TMEM178B: variants seen among roughly 807,000 people sequenced by gnomAD.
TMEM178B encodes the protein transmembrane protein 178B.
A neutral mutation model predicts 31.0 loss-of-function variants in TMEM178B; 5 were observed. That is an observed-to-expected ratio of 0.16 (90% CI 0.08 to 0.34). The LOEUF is 0.34. Among genes scored for constraint, TMEM178B ranks in the 10% least tolerant of loss-of-function variants. The pLI is 1.00. For synonymous variants in TMEM178B, 164 were observed against 164.0 expected (o/e 1.00, Z 0.00); for missense variants, 275 against 400.3 (o/e 0.69, Z 2.67).
chr7:141,407,771 A>G (rs1051158514), intron 2 of TMEM178B, among the ~76,000 whole-genome samples: 1 of 152,216 alleles, frequency 6.6e-6, no homozygotes, highest in African/African-American at 2.4e-5. Flanking sequence ...TCTGAGAAGC[A>G]TGTCTTTTTA....
At chr7:141,184,818 T>C (rs998495155) in intron 1 of TMEM178B, among the ~76,000 whole-genome samples, 1 of 152,202 alleles carries the variant, frequency 6.6e-6, no homozygotes, top group African/African-American at 2.4e-5. Context: ...GATGAATATT[T>C]TCCTGGCCGA....
intron 1 of TMEM178B, among the ~76,000 whole-genome samples, chr7:141,170,037 G>A (rs1796323230): frequency 2.0e-5 from 3 of 151,850 alleles, no homozygotes; most frequent in African/African-American, 7.3e-5. Flanking sequence ...ACATTCTTTG[G>A]CTTTCCATTA....
chr7:141,435,015 T>G (rs1291850503), intron 2 of TMEM178B, among the ~76,000 whole-genome samples: 1 of 152,212 alleles, frequency 6.6e-6, no homozygotes, highest in Non-Finnish European at 1.5e-5. Flanking sequence ...TGAAAGACAC[T>G]TCTCATGATT....
chr7:141,325,207 A>G (rs1234599260), intron 2 of TMEM178B, among the ~76,000 whole-genome samples: 1 of 152,202 alleles, frequency 6.6e-6, no homozygotes, highest in Non-Finnish European at 1.5e-5. Flanking sequence ...CTGTGCTGTA[A>G]TATAAAGATG....
chr7:141,338,360 A>G (rs1479611199), intron 2 of TMEM178B, among the ~76,000 whole-genome samples: 1 of 152,130 alleles, frequency 6.6e-6, no homozygotes, highest in Non-Finnish European at 1.5e-5. Flanking sequence ...TTTATTCTCA[A>G]CTTTGTTTTC....
At chr7:141,317,188 A>G (rs925852877) in intron 2 of TMEM178B, among the ~76,000 whole-genome samples, 1 of 152,212 alleles carries the variant, frequency 6.6e-6, no homozygotes, top group Non-Finnish European at 1.5e-5. Context: ...GCCATGGTCA[A>G]GGCAGGAAGT....
chr7:141,202,900 G>C (rs899806109), intron 1 of TMEM178B, among the ~76,000 whole-genome samples: 2 of 152,222 alleles, frequency 1.3e-5, no homozygotes, highest in Non-Finnish European at 2.9e-5. Flanking sequence ...GCTGTGGGGG[G>C]TGTGGGAACC....
intron 1 of TMEM178B, among the ~76,000 whole-genome samples, chr7:141,173,462 C>T (rs1043998108): frequency 6.6e-6 from 1 of 152,196 alleles, no homozygotes; most frequent in Admixed American, 6.5e-5. Flanking sequence ...GAAGGCTTCA[C>T]TGAGGCGGGA....
intron 2 of TMEM178B, among the ~76,000 whole-genome samples, chr7:141,374,195 G>A (rs541755823): frequency 1.3e-5 from 2 of 152,248 alleles, no homozygotes; most frequent in East Asian, 1.9e-4. Context: ...CTGAGGTGGG[G>A]CTTCATACAA....
At chr7:141,249,749 T>C (rs1586850251) in intron 2 of TMEM178B, among the ~76,000 whole-genome samples, 1 of 152,228 alleles carries the variant, frequency 6.6e-6, no homozygotes, top group Non-Finnish European at 1.5e-5. Context: ...ATGGGAAGCT[T>C]ATCTTCTGCC....
chr7:141,291,191 A>G (rs1457752013), intron 2 of TMEM178B, among the ~76,000 whole-genome samples: 1 of 152,158 alleles, frequency 6.6e-6, no homozygotes, highest in Admixed American at 6.5e-5. Context: ...AGTGTTATTT[A>G]TCCCCTGCAG....
chr7:141,124,452 A>G (rs796841632), intron 1 of TMEM178B, among the ~76,000 whole-genome samples: 4 of 152,322 alleles, frequency 2.6e-5, no homozygotes, highest in East Asian at 1.9e-4. Flanking sequence ...ATGAATATCA[A>G]ACATTAAGAA....
chr7:141,370,642 AT>A (rs891622846), intron 2 of TMEM178B, among the ~76,000 whole-genome samples: 12 of 152,174 alleles, frequency 7.9e-5, no homozygotes, highest in African/African-American at 2.9e-4. Context: ...GAAGAAAGAG[AT>A]TTGGACAGGA....
At chr7:141,377,324 C>T (rs1302647948) in intron 2 of TMEM178B, among the ~76,000 whole-genome samples, 1 of 151,900 alleles carries the variant, frequency 6.6e-6, no homozygotes, top group Non-Finnish European at 1.5e-5. Context: ...GCTGGGATTA[C>T]AGGCGCTTAC....
At chr7:141,324,605 CTT>C (rs1799158722) in intron 2 of TMEM178B, among the ~76,000 whole-genome samples, 1 of 151,628 alleles carries the variant, frequency 6.6e-6, no homozygotes, top group Non-Finnish European at 1.5e-5. Flanking sequence ...AGCAATTTCT[CTT>C]TACAGCTCTT....
chr7:141,320,231 A>G (rs1799074640), intron 2 of TMEM178B, among the ~76,000 whole-genome samples: 2 of 151,998 alleles, frequency 1.3e-5, no homozygotes, highest in African/African-American at 4.8e-5. Flanking sequence ...AGTCAATTAA[A>G]CCTTTTTTTC....
intron 2 of TMEM178B, among the ~76,000 whole-genome samples, chr7:141,326,370 G>A (rs374203749): frequency 7.2e-5 from 11 of 152,158 alleles, no homozygotes; most frequent in African/African-American, 2.7e-4. Flanking sequence ...TTTGAAAACA[G>A]TAGTGATTTG....
the TMEM178B span, among the ~76,000 whole-genome samples, chr7:141,505,774 G>A: frequency 6.6e-6 from 1 of 152,204 alleles, no homozygotes; most frequent in East Asian, 1.9e-4. Flanking sequence ...ACAGTTTCTG[G>A]CTGCTGTGCA....
chr7:141,454,307 C>T, intron 3 of TMEM178B, among the ~76,000 whole-genome samples: 1 of 152,282 alleles, frequency 6.6e-6, no homozygotes, highest in East Asian at 1.9e-4. Flanking sequence ...TAGGAAACTT[C>T]TCTCCTCTCT....
Sources: gnomAD v4.1 joint callset for allele counts (sites outside exome capture counted in the v4.1 genomes callset) on GRCh38, gnomAD v4.1.1 for gene constraint, MANE v1.5 for transcripts, NCBI Gene and HGNC (gene_info 2026-07-23, HGNC 2026-07-21) for gene names.